Variants in HOMER2 observed in about 807,000 individuals in gnomAD.
HOMER2 encodes the protein homer scaffold protein 2.
HOMER2 carries 27 observed loss-of-function variants against 47.0 expected under a neutral mutation model. The observed-to-expected ratio is 0.57, with a 90% CI of 0.42 to 0.79. The LOEUF (loss-of-function observed/expected upper bound fraction) is 0.79, where lower values mean the gene tolerates loss of function less well. HOMER2 is among the 30% of genes least tolerant of loss of function. HOMER2 has a pLI of 0.00. For missense variants in HOMER2, 443 were observed against 435.0 expected (o/e 1.02, Z -0.16); for synonymous variants, 161 against 163.8 (o/e 0.98, Z 0.13).
chr15:82,977,209 G>A (rs1014157505), intron 1 of HOMER2, among the ~76,000 whole-genome samples: 2 of 152,136 alleles, frequency 1.3e-5, no homozygotes, highest in Non-Finnish European at 2.9e-5. Flanking sequence ...AATGCTTGCA[G>A]CTCATTTCTA....
intron 1 of HOMER2, among the ~76,000 whole-genome samples, chr15:82,927,300 A>G (rs1168615669): frequency 1.3e-5 from 2 of 150,652 alleles, no homozygotes; most frequent in African/African-American, 5.0e-5. Context: ...AAAGGCAAGA[A>G]TTCTTGTCTG....
intron 2 of HOMER2, among the ~76,000 whole-genome samples, chr15:82,875,631 A>G (rs889422948): frequency 2.0e-5 from 3 of 152,244 alleles, no homozygotes; most frequent in African/African-American, 7.2e-5. Context: ...CTTAACAGTC[A>G]GTCTAAAATA....
chr15:82,955,075 C>T (rs190514564), upstream of HOMER2, among the ~76,000 whole-genome samples: 1 of 152,088 alleles, frequency 6.6e-6, no homozygotes, highest in Non-Finnish European at 1.5e-5. Flanking sequence ...CGTGCCCGGC[C>T]CATTCTGTTC....
chr15:82,908,480 AG>A (rs2053353175), intron 1 of HOMER2, among the ~76,000 whole-genome samples: 1 of 152,178 alleles, frequency 6.6e-6, no homozygotes, highest in Admixed American at 6.5e-5. Flanking sequence ...ATCCACACAC[AG>A]GCCAGTTTTA....
downstream of HOMER2, chr15:82,835,058 CA>C (rs1178373803): frequency 2.0e-5 from 3 of 152,092 alleles, no homozygotes; most frequent in African/African-American, 7.2e-5. Flanking sequence ...CTCCACAGAA[CA>C]AAAGGAACGC....
At chr15:82,970,093 C>T (rs1473574529) in intron 1 of HOMER2, among the ~76,000 whole-genome samples, 1 of 152,198 alleles carries the variant, frequency 6.6e-6, no homozygotes, top group Non-Finnish European at 1.5e-5. Context: ...AGGCTCCATC[C>T]AGCTTATAGG....
At chr15:82,919,457 T>C (rs1156326865) in intron 1 of HOMER2, among the ~76,000 whole-genome samples, 4 of 152,254 alleles carry the variant, frequency 2.6e-5, no homozygotes, top group African/African-American at 4.8e-5. Flanking sequence ...TCAGTCATCA[T>C]TGTTGCATGT....
intron 1 of HOMER2, among the ~76,000 whole-genome samples, chr15:82,947,695 C>A (rs748985267): frequency 6.6e-6 from 1 of 152,218 alleles, no homozygotes; most frequent in Non-Finnish European, 1.5e-5. Context: ...GCCCTTGCAA[C>A]TCCCAATTAA....
In HOMER2 at chr15:82,860,956, T is replaced by TGAGAGAGAGAGAGA. The variant is rs56063630; in HGVS notation, c.388-1835_388-1822dup. On this transcript the variant is annotated intron_variant, in intron 4 of 8. Transcript: ENST00000450735. ...TGTCTCAAAGATAGAAGATAGAAGA[T>TGAGAGAGAGAGAGA]GAGAGAGAGAGAGAGAGAGAGAGAG... Among the ~76,000 whole-genome samples, 81 of 42,426 alleles carry TGAGAGAGAGAGAGA rather than the reference T, an allele frequency of 1.9e-3. 1 individual carries two copies. In the Middle Eastern group the frequency reaches 0.051, roughly 27 times the overall value. The allele number at this position is 42,426 out of a possible 152,430, so 27.8% of individuals were successfully genotyped here. A position where few individuals can be genotyped will look rare whatever the true frequency, so the allele number is the denominator to read the frequency against.
chr15:82,889,452 G>A (rs888409671), intron 2 of HOMER2, among the ~76,000 whole-genome samples: 5 of 152,188 alleles, frequency 3.3e-5, no homozygotes, highest in Admixed American at 6.5e-5. Flanking sequence ...GAACCAAGCC[G>A]ACTGAACAGA....
chr15:82,855,549 A>T (rs2151612281), intron 5 of HOMER2, among the ~76,000 whole-genome samples: 1 of 152,272 alleles, frequency 6.6e-6, no homozygotes, highest in Non-Finnish European at 1.5e-5. Flanking sequence ...GCAAGAAGCC[A>T]ACAGCTTGGC....
chr15:82,938,654 T>C (rs1384625489), intron 1 of HOMER2, among the ~76,000 whole-genome samples: 1 of 152,220 alleles, frequency 6.6e-6, no homozygotes, highest in Non-Finnish European at 1.5e-5. Flanking sequence ...GCTACCTTCA[T>C]CATCAGCTAG....
At chr15:82,846,955 C>A (rs1425753459), downstream of HOMER2, 2 of 152,172 alleles carry the variant, frequency 1.3e-5, no homozygotes, top group Non-Finnish European at 2.9e-5. Context: ...TTTAGTTGAT[C>A]TTTTTTAGAC....
In HOMER2 at chr15:82,888,689, C is replaced by G. The variant is rs1156350674; in HGVS notation, c.162+3996G>C. Among the ~76,000 whole-genome samples, 2 of 78,500 alleles carry G rather than the reference C, an allele frequency of 2.5e-5. 1 individual carries two copies. The highest frequency in any genetic ancestry group is 4.7e-5 in the Non-Finnish European group (2 of 42,872). 51.5% of individuals were successfully genotyped at this position (78,500 alleles called of 152,430 possible). On this transcript the variant is annotated intron_variant, in intron 2 of 8. Coordinates refer to ENST00000450735, the MANE Select transcript of HOMER2 (RefSeq NM_004839.4). ...GCGTCCGTCACCCCTTTCTTTGACT[C>G]GGAAAGGGAACTCCCTGACCCCTTG...
At chr15:82,956,863 C>G (rs1454460997), upstream of HOMER2, among the ~76,000 whole-genome samples, 1 of 152,166 alleles carries the variant, frequency 6.6e-6, no homozygotes. Context: ...GTATTAGACT[C>G]AGACCTGCAT....
At chr15:82,967,609 C>T (rs1253798782) in intron 1 of HOMER2, among the ~76,000 whole-genome samples, 1 of 152,068 alleles carries the variant, frequency 6.6e-6, no homozygotes, top group Admixed American at 6.5e-5. Flanking sequence ...GGCACGGGGG[C>T]TCATGCCTGT....
chr15:82,951,841 T>C (rs2054512234), intron 1 of HOMER2, among the ~76,000 whole-genome samples: 1 of 152,270 alleles, frequency 6.6e-6, no homozygotes, highest in Admixed American at 6.5e-5. Flanking sequence ...AAGGAGTTAT[T>C]GTGCTATTAG....
intron 2 of HOMER2, among the ~76,000 whole-genome samples, chr15:82,884,800 G>A (rs1334968737): frequency 1.0e-4 from 3 of 28,600 alleles, no homozygotes; most frequent in African/African-American, 2.8e-4. Context: ...GGGCTGAGAC[G>A]ATGGGGTTTT....
At chr15:82,901,281 A>T (rs1046353237) in intron 1 of HOMER2, among the ~76,000 whole-genome samples, 10 of 152,170 alleles carry the variant, frequency 6.6e-5, no homozygotes, top group Non-Finnish European at 1.0e-4. Flanking sequence ...CAAAGCTGAG[A>T]TGGAAAACAA....
Sources: allele counts gnomAD v4.1 joint callset (sites outside exome capture counted in the v4.1 genomes callset), GRCh38; gene constraint gnomAD v4.1.1; transcripts MANE v1.5; gene names NCBI Gene and HGNC (gene_info 2026-07-23, HGNC 2026-07-21).